The following SLC26A5 variants were observed in gnomAD, a reference collection of about 807,000 sequenced individuals.
SLC26A5 encodes solute carrier family 26 member 5.
SLC26A5 carries 51 observed loss-of-function variants against 81.0 expected under a neutral mutation model. The ratio of observed to expected loss-of-function variants is 0.63; its 90% CI spans 0.50 to 0.80. The LOEUF (loss-of-function observed/expected upper bound fraction) is 0.80. Among genes scored for constraint, SLC26A5 ranks in the 30% least tolerant of loss-of-function variants. SLC26A5 has a pLI of 0.00. For missense variants in SLC26A5, 771 were observed against 905.8 expected, an observed-to-expected ratio of 0.85 and a Z score of 1.91; for synonymous variants, 325 against 332.8, an observed-to-expected ratio of 0.98 and a Z score of 0.25.
chr7:103,382,090 C>G (rs1821844209), intron 14 of SLC26A5, among the ~76,000 whole-genome samples: 1 of 152,078 alleles, frequency 6.6e-6, no homozygotes, highest in Non-Finnish European at 1.5e-5. Context: ...CTGAATTTCG[C>G]AGAGTTCAAG....
At chr7:103,406,135 TGAG>T (rs1824030294) in intron 8 of SLC26A5, among the ~76,000 whole-genome samples, 1 of 152,174 alleles carries the variant, frequency 6.6e-6, no homozygotes, top group Non-Finnish European at 1.5e-5. Context: ...TGGGATCCGC[TGAG>T]CTAGACCACT....
chr7:103,378,176 G>C (rs1251568405), intron 17 of SLC26A5, among the ~76,000 whole-genome samples: 2 of 152,146 alleles, frequency 1.3e-5, no homozygotes, highest in Non-Finnish European at 2.9e-5. Flanking sequence ...ACTATCAGCT[G>C]AATAAATCTA....
At chr7:103,390,838 G>C (rs906092842) in intron 11 of SLC26A5, among the ~76,000 whole-genome samples, 1 of 151,812 alleles carries the variant, frequency 6.6e-6, no homozygotes, top group African/African-American at 2.4e-5. Flanking sequence ...TCCAATATGG[G>C]AGCCAGTAGC....
chr7:103,403,238 C>T (rs1823751498), intron 8 of SLC26A5, among the ~76,000 whole-genome samples: 1 of 152,138 alleles, frequency 6.6e-6, no homozygotes, highest in African/African-American at 2.4e-5. Context: ...GTCTGACAGA[C>T]TGTTTGTTAT....
At chr7:103,405,665 A>C (rs1030735384) in intron 8 of SLC26A5, among the ~76,000 whole-genome samples, 1 of 152,112 alleles carries the variant, frequency 6.6e-6, no homozygotes, top group Non-Finnish European at 1.5e-5. Context: ...CGGGGGTCCC[A>C]CTTGAGAAGG....
chr7:103,414,120 T>C (rs184583272), intron 4 of SLC26A5, among the ~76,000 whole-genome samples: 19 of 151,950 alleles, frequency 1.3e-4, no homozygotes, highest in Admixed American at 4.6e-4. Flanking sequence ...CTGTGCTCTA[T>C]TCATACTTCC....
intron 7 of SLC26A5, 63 bp from the exon 8 acceptor site, chr7:103,408,066 C>A: frequency 1.3e-6 from 2 of 1,596,718 alleles, no homozygotes; most frequent in Non-Finnish European, 1.7e-6. Flanking sequence ...GACAGAGACA[C>A]TCTAGCGCAC....
downstream of SLC26A5, among the ~76,000 whole-genome samples, chr7:103,371,459 G>T (rs1418200420): frequency 3.3e-5 from 5 of 150,558 alleles, no homozygotes; most frequent in African/African-American, 9.7e-5. Flanking sequence ...CGAGTAGCTG[G>T]GACTACAGGC....
chr7:103,435,759 G>A (rs953669730), intron 2 of SLC26A5, among the ~76,000 whole-genome samples: 6 of 152,050 alleles, frequency 3.9e-5, no homozygotes, highest in Non-Finnish European at 5.9e-5. Context: ...CTCCGAGGGT[G>A]GTCCTTTTTG....
rs755928689 is a variant in SLC26A5 at position 103,389,365 on chromosome 7, A to G, written c.1371T>C (p.Asp457=). ...NLKGMFMQFS[D]LPFFWRTSKI... is the part of the protein sequence containing the mutation. ...TGCTGGTTCTCCAGAAAAAGGGGAG[A>G]TCTGAGAACTGCATAAACATTCCCT... is the stretch of plus-strand genomic sequence containing the variant. Residue 457 remains aspartate (D), a synonymous_variant, in exon 13 of 20, where the codon GAT becomes GAC. Transcript: ENST00000306312. 1 of 1,614,120 alleles carries G rather than the reference A, an allele frequency of 6.2e-7. No homozygotes were observed. Among genetic ancestry groups the G allele is most frequent in the South Asian group, 1.1e-5 (1 of 91,084 alleles).
At chr7:103,355,377 T>C (rs1183183038) in intron 19 of SLC26A5, among the ~76,000 whole-genome samples, 1 of 152,246 alleles carries the variant, frequency 6.6e-6, no homozygotes, top group East Asian at 1.9e-4. Context: ...TGTGGCATTA[T>C]ATTTTTGGCT....
intron 14 of SLC26A5, among the ~76,000 whole-genome samples, chr7:103,382,939 C>T (rs1821916345): frequency 6.6e-6 from 1 of 152,186 alleles, no homozygotes; most frequent in East Asian, 1.9e-4. Context: ...CTACTATGTC[C>T]TGGTGCTTCT....
At chr7:103,366,272 T>C (rs1820714263) in intron 19 of SLC26A5, 1 of 948,034 alleles carries the variant, frequency 1.1e-6, no homozygotes, top group Non-Finnish European at 1.6e-6. Context: ...CCAACTCTTC[T>C]ATGAGCTCTG....
chr7:103,423,709 T>G (rs568206094), intron 2 of SLC26A5, among the ~76,000 whole-genome samples: 1 of 152,180 alleles, frequency 6.6e-6, no homozygotes, highest in African/African-American at 2.4e-5. Flanking sequence ...ACCTGGCCCT[T>G]ACCAGCTGGT....
Position 103,367,360 on chromosome 7 carries a change from A to T in SLC26A5, c.2041+9448T>A. 2.6e-6 allele frequency: 4 copies of T among 1,566,718 alleles called. No homozygotes were observed. In the South Asian group the frequency reaches 4.5e-5, roughly 17 times the overall value. ...TTTTTGGTACTTTCAGGTCATGCAT[A>T]GTGCTACTCTTGAGTGGACTTGAAG... On this transcript the variant is annotated intron_variant, in intron 19 of 19. Transcript: ENST00000339444. This position sits in a 1 kb window ranked among gnomAD's most constrained non-coding sequence, Gnocchi z 6.1.
At chr7:103,372,058 C>T (rs1039366988), downstream of SLC26A5, among the ~76,000 whole-genome samples, 6 of 152,156 alleles carry the variant, frequency 3.9e-5, no homozygotes, top group African/African-American at 1.2e-4. Flanking sequence ...ATGATATTAG[C>T]TCGTTTACAA....
chr7:103,354,320 G>A (rs1156484669), intron 19 of SLC26A5, among the ~76,000 whole-genome samples: 1 of 149,874 alleles, frequency 6.7e-6, no homozygotes, highest in African/African-American at 2.5e-5. Context: ...CTGAAATGAA[G>A]TTTTAATGCA....
At chr7:103,439,679 A>G (rs1300743688) in intron 2 of SLC26A5, among the ~76,000 whole-genome samples, 2 of 152,254 alleles carry the variant, frequency 1.3e-5, no homozygotes, top group Admixed American at 6.5e-5. Context: ...GATTACAGGC[A>G]TGCGCAACCA....
chr7:103,411,670 G>A (rs757746859), intron 5 of SLC26A5, 84 bp from the exon 6 acceptor site: 76 of 1,473,124 alleles, frequency 5.2e-5, no homozygotes, highest in Non-Finnish European at 7.1e-5. Flanking sequence ...AGACAAAGGT[G>A]AGGTCAAGAA....
Sources: allele counts gnomAD v4.1 joint callset (sites outside exome capture counted in the v4.1 genomes callset), GRCh38; gene constraint gnomAD v4.1.1; non-coding constraint Gnocchi (gnomAD v3.1); transcripts MANE v1.5; gene names NCBI Gene and HGNC (gene_info 2026-07-23, HGNC 2026-07-21).